FBXW11: variants seen among roughly 807,000 people sequenced by gnomAD.
FBXW11 encodes the protein F-box/WD repeat-containing protein 11.
Under a neutral mutation model 77.6 loss-of-function variants are expected in FBXW11, and 19 were observed. The observed-to-expected ratio is 0.24, with a 90% CI of 0.17 to 0.36. The LOEUF is 0.36. Among genes scored for constraint, FBXW11 ranks in the 10% least tolerant of loss-of-function variants. FBXW11 has a pLI of 1.00. For synonymous variants in FBXW11, 235 were observed against 249.4 expected (o/e 0.94, Z 0.54); for missense variants, 334 against 704.2 (o/e 0.47, Z 5.95).
At chr5:171,879,036 T>C (rs1181901238) in intron 7 of FBXW11, among the ~76,000 whole-genome samples, 2 of 152,160 alleles carry the variant, frequency 1.3e-5, no homozygotes, top group South Asian at 2.1e-4. Context: ...ACAAAAATTA[T>C]CTGTAAAGTG....
chr5:171,949,765 T>A (rs893117886), intron 2 of FBXW11, among the ~76,000 whole-genome samples: 3 of 152,190 alleles, frequency 2.0e-5, no homozygotes, highest in African/African-American at 7.2e-5. Flanking sequence ...CAATTAAATG[T>A]ACATTATAAC....
chr5:171,932,712 G>A (rs1330666523), intron 2 of FBXW11, among the ~76,000 whole-genome samples: 1 of 152,008 alleles, frequency 6.6e-6, no homozygotes, highest in Non-Finnish European at 1.5e-5. Flanking sequence ...TTGTCCAAAT[G>A]AAGTGAAAAC....
At position 172,006,512 on chromosome 5, in the gene FBXW11, G is replaced by A. The variant is rs1299537242; in HGVS notation, c.-10C>T. 3.3e-6 allele frequency: 5 copies of A among 1,506,150 alleles called. No individual in the cohort carries two copies. Among genetic ancestry groups the A allele is most frequent in the Non-Finnish European group, 3.6e-6 (4 of 1,126,198 alleles). The allele number at this position is 1,506,150 out of a possible 1,614,324, so 93.3% of individuals were successfully genotyped here. ...CCGAGTCGGGCTCCATGGCGGCCCC[G>A]GCGGCCCCGCCTCGCTCTCCCCGCG... On this transcript the variant is annotated 5_prime_UTR_variant, in exon 1 of 14. Coordinates refer to ENST00000517395, the MANE Select transcript of FBXW11 (RefSeq NM_001378974.1).
At chr5:171,916,203 C>T (rs1420652842) in intron 2 of FBXW11, among the ~76,000 whole-genome samples, 1 of 142,426 alleles carries the variant, frequency 7.0e-6, no homozygotes, top group Non-Finnish European at 1.5e-5. Flanking sequence ...CAAACCTGCA[C>T]ATTGTGCACA....
intron 2 of FBXW11, among the ~76,000 whole-genome samples, chr5:171,932,178 A>G (rs943592968): frequency 6.6e-6 from 1 of 152,026 alleles, no homozygotes; most frequent in Non-Finnish European, 1.5e-5. Flanking sequence ...CCTGGCCTAG[A>G]AACAATTCTT....
At chr5:171,991,889 AG>A (rs1381068987) in intron 1 of FBXW11, among the ~76,000 whole-genome samples, 1 of 150,464 alleles carries the variant, frequency 6.6e-6, no homozygotes. Flanking sequence ...CCGAGGTGGG[AG>A]GATCACTTGA....
chr5:171,974,358 C>G (rs1036566453), intron 1 of FBXW11, among the ~76,000 whole-genome samples: 1 of 150,258 alleles, frequency 6.7e-6, no homozygotes, highest in Non-Finnish European at 1.5e-5. Flanking sequence ...CACTGGAACC[C>G]AGGAGGCGGA....
Position 171,910,812 on chromosome 5 carries a change from C to CAA in FBXW11, c.211-17_211-16dup. 9.4e-6 allele frequency: 13 copies of CAA among 1,380,452 alleles called. No homozygotes were observed. The highest frequency in any genetic ancestry group is 1.5e-5 in the African/African-American group (1 of 67,074). 85.5% of individuals were successfully genotyped at this position (1,380,452 alleles called of 1,614,324 possible). A position where few individuals can be genotyped will look rare whatever the true frequency, so the allele number is the denominator to read the frequency against. The stretch of plus-strand genomic sequence containing the variant: ...CCATTACTTATCTATTTTAGAAAAA[C>CAA]AAAAAAAAAATTAGTTTAACAAGGA... On this transcript the variant is annotated splice_polypyrimidine_tract_variant and intron_variant, in intron 3 of 13. Coordinates refer to ENST00000517395, the MANE Select transcript of FBXW11 (RefSeq NM_001378974.1).
At position 171,987,443 on chromosome 5, in the gene FBXW11, G is replaced by GT. The variant is rs1261373404; in HGVS notation, c.45+19014_45+19015insA. Among the ~76,000 whole-genome samples, 8 of 151,736 alleles carry GT rather than the reference G, an allele frequency of 5.3e-5. No homozygotes were observed. The East Asian group carries it at 1.4e-3, about 26-fold the overall frequency. On this transcript the variant is annotated intron_variant, in intron 1 of 13. Coordinates refer to ENST00000517395, the MANE Select transcript of FBXW11 (RefSeq NM_001378974.1). The stretch of plus-strand genomic sequence containing the variant: ...GAGCCTCAAAGGGTAAGTTTTTTTG[G>GT]GTTTTTTTTGTTTGTTTGTTTTTTT...
intron 1 of FBXW11, among the ~76,000 whole-genome samples, chr5:171,971,315 G>C (rs1387517076): frequency 6.6e-6 from 1 of 152,046 alleles, no homozygotes; most frequent in Non-Finnish European, 1.5e-5. Context: ...TTCTCACAAA[G>C]GAATATATTT....
chr5:171,878,906 A>G (rs1758316947), intron 7 of FBXW11, among the ~76,000 whole-genome samples: 1 of 152,208 alleles, frequency 6.6e-6, no homozygotes, highest in Non-Finnish European at 1.5e-5. Context: ...CTACGTTTAC[A>G]AAAACAAAAA....
chr5:171,904,755 A>G lies in FBXW11; in HGVS notation c.437-4655T>C, dbSNP rs1581177898. 6.6e-6 allele frequency among the ~76,000 whole-genome samples: 1 copy of G among 152,124 alleles called. No homozygotes were observed. Among genetic ancestry groups the G allele is most frequent in the East Asian group, 1.9e-4 (1 of 5,174 alleles). On this transcript the variant is annotated intron_variant, in intron 4 of 13. Transcript: ENST00000517395. The surrounding 1 kb of genome is among the most constrained non-coding windows in gnomAD (Gnocchi z 4.0). ...CCCAGGTAATTTTTGTATTTTTAGTACAGATGGGGTTTCACCATGTTGGCC... is the reference window on the plus strand; with the variant it reads ...CCCAGGTAATTTTTGTATTTTTAGTGCAGATGGGGTTTCACCATGTTGGCC...
intron 1 of FBXW11, among the ~76,000 whole-genome samples, chr5:171,969,255 G>A (rs575514948): frequency 4.6e-5 from 7 of 152,270 alleles, no homozygotes; most frequent in Admixed American, 2.6e-4. Flanking sequence ...GCAACATAGC[G>A]AGACTCTGTC....
intron 1 of FBXW11, among the ~76,000 whole-genome samples, chr5:171,978,251 C>T (rs753918377): frequency 6.6e-6 from 1 of 152,112 alleles, no homozygotes; most frequent in Non-Finnish European, 1.5e-5. Flanking sequence ...AGGAGGAAAA[C>T]AGAGGTGTCA....
At chr5:171,893,421 C>CAAAAAAAAAAAACAAAAAAAAAAAAAA (rs757678376) in intron 6 of FBXW11, among the ~76,000 whole-genome samples, 4 of 39,836 alleles carry the variant, frequency 1.0e-4, no homozygotes, top group Non-Finnish European at 1.3e-4. Context: ...ACTTCAAAAC[C>CAAAAAAAAAAAACAAAAAAAAAAAAAA]AAAAAAAAAA....
At chr5:171,994,033 G>C (rs768961416) in intron 1 of FBXW11, among the ~76,000 whole-genome samples, 1 of 152,142 alleles carries the variant, frequency 6.6e-6, no homozygotes, top group Non-Finnish European at 1.5e-5. Flanking sequence ...CTGACAGCCC[G>C]AGATGGCTAA....
In FBXW11 at chr5:171,976,364, GC is replaced by G. The variant is rs373146399; in HGVS notation, c.46-18667del. ...TATACTCACTTTGGAAGTAGAAATA[GC>G]CTTTTGATATAAGATAGTAATTCTC... On this transcript the variant is annotated intron_variant, in intron 1 of 13. Coordinates refer to ENST00000517395, the MANE Select transcript of FBXW11 (RefSeq NM_001378974.1). Among the ~76,000 whole-genome samples the G allele has an allele frequency of 9.9e-5, 15 of 152,228 alleles. No homozygotes were observed. In the South Asian group the frequency reaches 3.1e-3, roughly 32 times the overall value.
chr5:171,966,740 T>C (rs781708250), intron 1 of FBXW11, among the ~76,000 whole-genome samples: 9 of 152,194 alleles, frequency 5.9e-5, no homozygotes, highest in Non-Finnish European at 4.4e-5. Context: ...ACTAGGAAAG[T>C]TGTTCAGGAC....
chr5:171,974,720 A>G (rs1305052750), intron 1 of FBXW11, among the ~76,000 whole-genome samples: 1 of 152,136 alleles, frequency 6.6e-6, no homozygotes, highest in East Asian at 1.9e-4. Flanking sequence ...ACATAACAAG[A>G]CCTCATCTCT....
Sources: allele counts gnomAD v4.1 joint callset (sites outside exome capture counted in the v4.1 genomes callset), GRCh38; gene constraint gnomAD v4.1.1; non-coding constraint Gnocchi (gnomAD v3.1); transcripts MANE v1.5; gene names NCBI Gene and HGNC (gene_info 2026-07-23, HGNC 2026-07-21).